The following CADM2 variants were observed in gnomAD, a reference collection of about 807,000 sequenced individuals.
The protein encoded by CADM2 is cell adhesion molecule 2.
In CADM2, 12 loss-of-function variants were observed where a neutral mutation model predicts 49.8. The ratio of observed to expected loss-of-function variants is 0.24; its 90% CI spans 0.15 to 0.39. The LOEUF is 0.39. CADM2 is among the 10% of genes least tolerant of loss of function. The pLI, the probability that CADM2 is intolerant of heterozygous loss-of-function variation, is 1.00. For missense variants in CADM2, 378 were observed against 492.3 expected (o/e 0.77, Z 2.20); for synonymous variants, 214 against 175.4 (o/e 1.22, Z -1.74).
intron 1 of CADM2, among the ~76,000 whole-genome samples, chr3:85,225,242 GTTC>G (rs1391961864): frequency 6.6e-6 from 1 of 152,104 alleles, no homozygotes. Flanking sequence ...ATCATAGAAT[GTTC>G]TTCCGTTTGT....
chr3:85,334,981 A>G, intron 1 of CADM2, among the ~76,000 whole-genome samples: 1 of 151,400 alleles, frequency 6.6e-6, no homozygotes. Flanking sequence ...ACAAGGTGAC[A>G]GGAAAGTAAA....
intron 3 of CADM2, among the ~76,000 whole-genome samples, chr3:85,850,458 G>C (rs1245171774): frequency 6.6e-6 from 1 of 151,688 alleles, no homozygotes; most frequent in African/African-American, 2.4e-5. Context: ...CTGAGTAGGT[G>C]GGACTACAGG....
intron 1 of CADM2, among the ~76,000 whole-genome samples, chr3:85,480,647 C>T (rs534387217): frequency 2.0e-5 from 3 of 151,928 alleles, no homozygotes; most frequent in African/African-American, 4.8e-5. Flanking sequence ...ACCTGTTAAC[C>T]GCTATCCATA....
At chr3:85,319,600 A>G (rs1367628333) in intron 1 of CADM2, among the ~76,000 whole-genome samples, 1 of 151,034 alleles carries the variant, frequency 6.6e-6, no homozygotes, top group Non-Finnish European at 1.5e-5. Context: ...AAACCATGGA[A>G]TACTATGCAG....
chr3:85,780,104 G>A (rs1178393049), intron 2 of CADM2, among the ~76,000 whole-genome samples: 2 of 152,132 alleles, frequency 1.3e-5, no homozygotes, highest in East Asian at 1.9e-4. Flanking sequence ...AATCTGAAAT[G>A]CGAGTTAAAG....
intron 1 of CADM2, among the ~76,000 whole-genome samples, chr3:85,484,766 A>G (rs1466287970): frequency 6.6e-6 from 1 of 151,966 alleles, no homozygotes; most frequent in Non-Finnish European, 1.5e-5. Flanking sequence ...TTTATCCTTA[A>G]TTCCCTTATT....
At chr3:85,569,212 T>G (rs967771438) in intron 1 of CADM2, among the ~76,000 whole-genome samples, 2 of 152,082 alleles carry the variant, frequency 1.3e-5, no homozygotes, top group Non-Finnish European at 2.9e-5. Flanking sequence ...GATGTACCTT[T>G]TAGATTCTTT....
chr3:85,519,376 A>G (rs1668852303), intron 1 of CADM2, among the ~76,000 whole-genome samples: 1 of 152,146 alleles, frequency 6.6e-6, no homozygotes, highest in Non-Finnish European at 1.5e-5. Context: ...TTTCTTTTGT[A>G]AAATCATATT....
At chr3:85,069,554 C>T (rs923060720) in intron 1 of CADM2, among the ~76,000 whole-genome samples, 6 of 151,874 alleles carry the variant, frequency 4.0e-5, no homozygotes, top group African/African-American at 9.7e-5. Context: ...TCTAGTAGTA[C>T]CAAAATTTCC....
intron 1 of CADM2, among the ~76,000 whole-genome samples, chr3:85,673,490 A>T (rs1193869706): frequency 1.7e-5 from 2 of 120,642 alleles, no homozygotes; most frequent in Admixed American, 8.1e-5. Flanking sequence ...AGAGAGTGCT[A>T]TTAAAAAAAA....
chr3:86,043,895 G>C (rs1269997928), intron 8 of CADM2, among the ~76,000 whole-genome samples: 1 of 152,162 alleles, frequency 6.6e-6, no homozygotes, highest in Non-Finnish European at 1.5e-5. Flanking sequence ...AGAGCCCTCA[G>C]AAATAGTGCT....
chr3:86,007,691 T>C (rs1160542002), intron 8 of CADM2, among the ~76,000 whole-genome samples: 2 of 152,188 alleles, frequency 1.3e-5, no homozygotes, highest in Non-Finnish European at 2.9e-5. Flanking sequence ...TGGCTGGTGA[T>C]TGGACCTCTC....
At chr3:85,153,906 CAGAA>C (rs1362545857) in intron 1 of CADM2, among the ~76,000 whole-genome samples, 1 of 152,122 alleles carries the variant, frequency 6.6e-6, no homozygotes, top group Non-Finnish European at 1.5e-5. Context: ...AACTAACAAA[CAGAA>C]AGGACATCCA....
chr3:86,023,386 TGTTTTG>T (rs761430160), intron 8 of CADM2, among the ~76,000 whole-genome samples: 2,172 of 152,098 alleles, frequency 0.014, 96 homozygotes, highest in Admixed American at 0.081. Context: ...TGTTTTGTTT[TGTTTTG>T]TTTTTTTGAG....
chr3:85,095,676 G>A (rs559478160), intron 1 of CADM2, among the ~76,000 whole-genome samples: 2 of 152,104 alleles, frequency 1.3e-5, no homozygotes, highest in Non-Finnish European at 2.9e-5. Context: ...GGCTTCTTTG[G>A]CCCAAACATT....
chr3:85,781,489 A>T (rs2070649895), intron 2 of CADM2, among the ~76,000 whole-genome samples: 1 of 152,088 alleles, frequency 6.6e-6, no homozygotes, highest in African/African-American at 2.4e-5. Context: ...CAAATACTTT[A>T]TTTTATTTGT....
chr3:85,515,916 A>G (rs1454291801), intron 1 of CADM2, among the ~76,000 whole-genome samples: 1 of 152,154 alleles, frequency 6.6e-6, no homozygotes, highest in African/African-American at 2.4e-5. Context: ...AAGGCAATTT[A>G]GCCTTTGTGT....
chr3:85,171,608 A>G (rs952693923), intron 1 of CADM2, among the ~76,000 whole-genome samples: 1 of 152,190 alleles, frequency 6.6e-6, no homozygotes, highest in Non-Finnish European at 1.5e-5. Context: ...GGCATAATGT[A>G]GAGATCGTGC....
At chr3:85,633,965 C>T (rs1278445874) in intron 1 of CADM2, among the ~76,000 whole-genome samples, 3 of 151,816 alleles carry the variant, frequency 2.0e-5, no homozygotes, top group African/African-American at 7.3e-5. Context: ...ATATGAACCC[C>T]CAAGGAAACA....
Sources: gnomAD v4.1 joint callset for allele counts (sites outside exome capture counted in the v4.1 genomes callset) on GRCh38, gnomAD v4.1.1 for gene constraint, MANE v1.5 for transcripts, NCBI Gene and HGNC (gene_info 2026-07-23, HGNC 2026-07-21) for gene names.